PLPP4: variants seen among roughly 807,000 people sequenced by gnomAD.
The protein encoded by PLPP4 is phospholipid phosphatase 4, also known as diacylglycerol pyrophosphate like 2.
Under a neutral mutation model 32.2 loss-of-function variants are expected in PLPP4, and 20 were observed. The ratio of observed to expected loss-of-function variants is 0.62; its 90% CI spans 0.44 to 0.90. The LOEUF (loss-of-function observed/expected upper bound fraction) is 0.90, where lower values mean the gene tolerates loss of function less well. PLPP4 is among the 40% of genes least tolerant of loss of function. The pLI is 0.00. For synonymous variants in PLPP4, 127 were observed against 133.0 expected (o/e 0.95, Z 0.31); for missense variants, 257 against 353.1 (o/e 0.73, Z 2.18).
chr10:120,491,482 T>C (rs1844720992), intron 1 of PLPP4, among the ~76,000 whole-genome samples: 1 of 147,874 alleles, frequency 6.8e-6, no homozygotes, highest in South Asian at 2.2e-4. Context: ...CTTTCTGATA[T>C]TTCCTATCCT....
intron 6 of PLPP4, among the ~76,000 whole-genome samples, chr10:120,582,070 T>C (rs1166409496): frequency 6.6e-6 from 1 of 152,192 alleles, no homozygotes; most frequent in Non-Finnish European, 1.5e-5. Context: ...AATATCCACG[T>C]GAGCAGGGAT....
chr10:120,497,016 G>A (rs929594412), intron 1 of PLPP4, among the ~76,000 whole-genome samples: 1 of 152,008 alleles, frequency 6.6e-6, no homozygotes, highest in Non-Finnish European at 1.5e-5. Context: ...CCTAGTCTGG[G>A]GATCCTCCTA....
chr10:120,490,989 C>A lies in PLPP4; in HGVS notation c.57-12829C>A, dbSNP rs146209663. Among the ~76,000 whole-genome samples, 31 of 152,336 alleles carry A rather than the reference C, an allele frequency of 2.0e-4. No homozygotes were observed. In the East Asian group the frequency reaches 5.6e-3, roughly 27 times the overall value. On this transcript the variant is annotated intron_variant, in intron 1 of 6. Transcript: ENST00000398250. Reference sequence around the variant, plus strand: ...AGTAGCATTCTTTCCTGTCCTCGAGCCCCTATCTCTGCTCAGGGTTATGTC... The same window carrying A: ...AGTAGCATTCTTTCCTGTCCTCGAGACCCTATCTCTGCTCAGGGTTATGTC...
intron 5 of PLPP4, among the ~76,000 whole-genome samples, chr10:120,555,869 A>G (rs1463775983): frequency 6.6e-6 from 1 of 152,222 alleles, no homozygotes; most frequent in African/African-American, 2.4e-5. Flanking sequence ...TTCTTAAGAA[A>G]TTCCAGTCTG....
intron 5 of PLPP4, among the ~76,000 whole-genome samples, chr10:120,560,051 C>T (rs1195808683): frequency 6.6e-6 from 1 of 152,160 alleles, no homozygotes; most frequent in Non-Finnish European, 1.5e-5. Context: ...GTGAGCAGTT[C>T]GTGTCTCCAC....
At chr10:120,571,359 C>G (rs1308711179) in intron 5 of PLPP4, among the ~76,000 whole-genome samples, 1 of 151,928 alleles carries the variant, frequency 6.6e-6, no homozygotes, top group Non-Finnish European at 1.5e-5. Context: ...AGTTCTTAAT[C>G]AAGCAGAAAG....
At position 120,553,802 on chromosome 10, in the gene PLPP4, A is replaced by G. The variant is rs1472888370; in HGVS notation, c.446-21329A>G. 3.3e-5 allele frequency among the ~76,000 whole-genome samples: 5 copies of G among 152,332 alleles called. No individual in the cohort carries two copies. The East Asian group carries it at 5.8e-4, about 18-fold the overall frequency. Reference sequence around the variant, plus strand: ...TGGAGCTGGAGTGGCCATGAGGCTGAGTGCCATGTCCCCAGGTTACTCAGG... The same window carrying G: ...TGGAGCTGGAGTGGCCATGAGGCTGGGTGCCATGTCCCCAGGTTACTCAGG... On this transcript the variant is annotated intron_variant, in intron 5 of 6. Transcript: ENST00000398250.
chr10:120,574,178 T>A (rs1475154310), intron 5 of PLPP4, among the ~76,000 whole-genome samples: 1,399 of 84,810 alleles, frequency 0.016, 11 homozygotes, highest in African/African-American at 0.07. Flanking sequence ...ACTCTCTCTC[T>A]CTCTCTCTCT....
At chr10:120,474,869 A>T (rs886970137) in intron 1 of PLPP4, among the ~76,000 whole-genome samples, 1 of 152,244 alleles carries the variant, frequency 6.6e-6, no homozygotes, top group African/African-American at 2.4e-5. Flanking sequence ...TAGGAATTTT[A>T]TAATGCTTTC....
chr10:120,497,733 A>G, intron 1 of PLPP4, among the ~76,000 whole-genome samples: 1 of 152,258 alleles, frequency 6.6e-6, no homozygotes, highest in South Asian at 2.1e-4. Context: ...AGAAATTAAG[A>G]TACAAATATA....
At chr10:120,461,456 C>A (rs1420335703) in intron 1 of PLPP4, among the ~76,000 whole-genome samples, 3 of 152,184 alleles carry the variant, frequency 2.0e-5, no homozygotes, top group Non-Finnish European at 4.4e-5. Context: ...TTATCTTCCT[C>A]TTTCCTTCCT....
rs183034160 is a variant in PLPP4 at position 120,520,904 on chromosome 10, G to A, written c.321-67G>A. On this transcript the variant is annotated intron_variant, in intron 4 of 6. Coordinates refer to ENST00000398250, the MANE Select transcript of PLPP4 (RefSeq NM_001030059.3). ...AGCTGGGGGCAGTGGGGAGTTGGGGGGGTCAGCTTGGGGTCATTTGTGATG... is the reference window on the plus strand; with the variant it reads ...AGCTGGGGGCAGTGGGGAGTTGGGGAGGTCAGCTTGGGGTCATTTGTGATG... The A allele has an allele frequency of 3.1e-6, 5 of 1,590,990 alleles. No homozygotes were observed. The East Asian group carries it at 8.9e-5, about 28-fold the overall frequency.
At chr10:120,588,716 T>C (rs1400174455) in intron 6 of PLPP4, among the ~76,000 whole-genome samples, 2 of 152,208 alleles carry the variant, frequency 1.3e-5, no homozygotes, top group African/African-American at 4.8e-5. Flanking sequence ...GAAATACAAA[T>C]CTGAGTTTAT....
chr10:120,488,082 C>T (rs1844545076), intron 1 of PLPP4, among the ~76,000 whole-genome samples: 1 of 152,006 alleles, frequency 6.6e-6, no homozygotes. Context: ...CCCAAGATGG[C>T]CTTGTGGGGT....
At chr10:120,486,225 C>T (rs1844440593) in intron 1 of PLPP4, among the ~76,000 whole-genome samples, 1 of 151,406 alleles carries the variant, frequency 6.6e-6, no homozygotes, top group East Asian at 2.0e-4. Context: ...CCCCGTCAAC[C>T]TCCATCTGTG....
At chr10:120,586,343 C>T (rs147315998) in intron 6 of PLPP4, among the ~76,000 whole-genome samples, 109 of 150,744 alleles carry the variant, frequency 7.2e-4, no homozygotes, top group Non-Finnish European at 1.4e-3. Context: ...AGGGTTTCAC[C>T]GTGTTGCCCA....
chr10:120,484,342 A>G (rs1233280524), intron 1 of PLPP4, among the ~76,000 whole-genome samples: 1 of 152,224 alleles, frequency 6.6e-6, no homozygotes, highest in Non-Finnish European at 1.5e-5. Flanking sequence ...GCTATAACAG[A>G]ATACCTGAAA....
At chr10:120,568,462 C>T (rs1052222096) in intron 5 of PLPP4, among the ~76,000 whole-genome samples, 4 of 152,190 alleles carry the variant, frequency 2.6e-5, no homozygotes, top group African/African-American at 4.8e-5. Context: ...GAAGTCCATG[C>T]ACCCCAATTA....
intron 6 of PLPP4, among the ~76,000 whole-genome samples, chr10:120,587,993 C>G (rs1349522420): frequency 2.0e-5 from 3 of 152,190 alleles, no homozygotes; most frequent in Non-Finnish European, 4.4e-5. Context: ...GTTATCAAGC[C>G]TGGAATGAAC....
Sources: gnomAD v4.1 joint callset for allele counts (sites outside exome capture counted in the v4.1 genomes callset) on GRCh38, gnomAD v4.1.1 for gene constraint, MANE v1.5 for transcripts, NCBI Gene and HGNC (gene_info 2026-07-23, HGNC 2026-07-21) for gene names.